Variants in DNMT1 observed in about 807,000 individuals in gnomAD.
The protein encoded by DNMT1 is DNA (cytosine-5)-methyltransferase 1.
Under a neutral mutation model 205.3 loss-of-function variants are expected in DNMT1, and 24 were observed. The ratio of observed to expected loss-of-function variants is 0.12; its 90% CI spans 0.08 to 0.16. The LOEUF is 0.16. DNMT1 is among the 10% of genes least tolerant of loss of function. DNMT1 has a pLI of 1.00. For missense variants in DNMT1, 1,293 were observed against 2,177.7 expected (o/e 0.59, Z 8.09); for synonymous variants, 817 against 839.8 (o/e 0.97, Z 0.47).
At position 10,137,068 on chromosome 19, in the gene DNMT1, C is replaced by A. The variant is rs1212852216; in HGVS notation, c.4489+17G>T. On this transcript the variant is annotated intron_variant, in intron 37 of 40. Transcript: ENST00000359526. This position sits in a 1 kb window ranked among gnomAD's most constrained non-coding sequence, Gnocchi z 6.4. ...CTTCCCCTCAGCCCACCGGGAACCA[C>A]AACTTACAGGACCCACCTTCCACGC... 1.2e-6 allele frequency: 2 copies of A among 1,610,220 alleles called. No individual in the cohort carries two copies. Among genetic ancestry groups the A allele is most frequent in the Admixed American group, 3.4e-5 (2 of 59,434 alleles).
At chr19:10,163,005 T>G in intron 12 of DNMT1, 1 of 555,656 alleles carries the variant, frequency 1.8e-6, no homozygotes, top group Non-Finnish European at 3.2e-6. Flanking sequence ...TTCACTCTTG[T>G]CCAGGCTGGA....
intron 1 of DNMT1, among the ~76,000 whole-genome samples, chr19:10,193,995 A>T (rs190156557): frequency 6.6e-6 from 1 of 152,272 alleles, no homozygotes; most frequent in Admixed American, 6.5e-5. Context: ...AGGGCCTCCA[A>T]CATTAGACAC....
In DNMT1 at chr19:10,180,646, TTCA is replaced by T. The variant is rs3217302; in HGVS notation, c.226-80_226-78del. The T allele has an allele frequency of 3.8e-3, 5,567 of 1,454,630 alleles. 21 individuals carry two copies. Among genetic ancestry groups the T allele is most frequent in the African/African-American group, 0.027 (1,851 of 69,570 alleles). 90.1% of individuals were successfully genotyped at this position (1,454,630 alleles called of 1,614,324 possible). ...AGAACAAGGAAACACATGTGTTTCC[TTCA>T]TCATCATCATCATCATCATCATCAT... On this transcript the variant is annotated intron_variant, in intron 3 of 40. Coordinates refer to ENST00000359526, the MANE Select transcript of DNMT1 (RefSeq NM_001130823.3).
intron 1 of DNMT1, among the ~76,000 whole-genome samples, chr19:10,189,749 A>G (rs2039264701): frequency 1.3e-5 from 2 of 152,040 alleles, no homozygotes; most frequent in Non-Finnish European, 2.9e-5. Flanking sequence ...ATACTAGGAA[A>G]CCAAAATGTG....
At chr19:10,149,229 G>A (rs2145292653) in intron 26 of DNMT1, among the ~76,000 whole-genome samples, 1 of 151,960 alleles carries the variant, frequency 6.6e-6, no homozygotes, top group East Asian at 1.9e-4. Flanking sequence ...GGAGGCTGAG[G>A]CAGGAGAATC....
intron 1 of DNMT1, among the ~76,000 whole-genome samples, chr19:10,190,591 G>A (rs762719354): frequency 6.6e-6 from 1 of 151,514 alleles, no homozygotes; most frequent in East Asian, 1.9e-4. Context: ...GGTAAACCCC[G>A]GTTTCTACTA....
In DNMT1 at chr19:10,139,784, G is replaced by T. The variant is rs1436599621; in HGVS notation, c.3840C>A (p.Leu1280=). The T allele has an allele frequency of 6.2e-7, 1 of 1,600,662 alleles. No individual in the cohort carries two copies. Residue 1280 remains leucine (L), a synonymous_variant, in exon 34 of 41, where the codon CTC becomes CTA. Transcript: ENST00000359526. ...YCDYYRPRFF[L]LENVRNFVSF... ...AGACAAAGTTCCTGACATTCTCCAG[G>T]AGGAAGAACCGGGGCCGGTAGTAGT...
chr19:10,143,450 C>T (rs576381333), intron 29 of DNMT1, among the ~76,000 whole-genome samples: 1 of 148,282 alleles, frequency 6.7e-6, no homozygotes, highest in Admixed American at 6.8e-5. Flanking sequence ...GTCTTGAACT[C>T]CTAGACTCAA....
In DNMT1 at chr19:10,194,942, C is replaced by T; in HGVS notation, c.-43G>A. On this transcript the variant is annotated 5_prime_UTR_variant, in exon 1 of 41. Coordinates refer to ENST00000359526, the MANE Select transcript of DNMT1 (RefSeq NM_001130823.3). ...ACGCGGCGGCGGCAGCGCAGGCGCCCCGGCTTTTCGCGCGGAAACCGATGG... is the reference window on the plus strand; with the variant it reads ...ACGCGGCGGCGGCAGCGCAGGCGCCTCGGCTTTTCGCGCGGAAACCGATGG... 6.3e-7 allele frequency: 1 copy of T among 1,575,686 alleles called. No homozygotes were observed. The highest frequency in any genetic ancestry group is 8.6e-7 in the Non-Finnish European group (1 of 1,162,178).
chr19:10,150,848 T>C (rs1014072455), intron 24 of DNMT1, among the ~76,000 whole-genome samples: 21 of 152,128 alleles, frequency 1.4e-4, no homozygotes, highest in African/African-American at 5.1e-4. Context: ...ATCCCAGCAC[T>C]TTGGGAGGCT....
chr19:10,171,662 G>A (rs1035777097), intron 9 of DNMT1, among the ~76,000 whole-genome samples: 10 of 152,042 alleles, frequency 6.6e-5, no homozygotes, highest in South Asian at 6.2e-4. Flanking sequence ...AAAATTAGCC[G>A]GGCATGGTGG....
chr19:10,160,328 A>G, intron 14 of DNMT1, 56 bp downstream of exon 14: 1 of 1,610,818 alleles, frequency 6.2e-7, no homozygotes, highest in South Asian at 1.1e-5. Context: ...TTTGTTCTAG[A>G]ACCATCATTT....
At position 10,140,454 on chromosome 19, in the gene DNMT1, C is replaced by A. The variant is rs866574736; in HGVS notation, c.3524-126G>T. 29 of 1,389,272 alleles carry A rather than the reference C, an allele frequency of 2.1e-5. No individual in the cohort carries two copies. The Middle Eastern group carries it at 7.4e-4, about 36-fold the overall frequency. The allele number at this position is 1,389,272 out of a possible 1,614,324, so 86.1% of individuals were successfully genotyped here. On this transcript the variant is annotated intron_variant, in intron 32 of 40. Coordinates refer to ENST00000359526, the MANE Select transcript of DNMT1 (RefSeq NM_001130823.3). This position sits in a 1 kb window ranked among gnomAD's most constrained non-coding sequence, Gnocchi z 8.4. Reference sequence around the variant, plus strand: ...GTGTGATCTTGGCTCACTGCAAGCTCTGCCTCCCAGGTTCAAGCGATTCTC... The same window carrying A: ...GTGTGATCTTGGCTCACTGCAAGCTATGCCTCCCAGGTTCAAGCGATTCTC...
In DNMT1 at chr19:10,140,197, T is replaced by C. The variant is rs780063940; in HGVS notation, c.3655A>G (p.Thr1219Ala). ...AGCCGCTGGCCGCGGGAGTTGGTGGTCTCCCCAGCCATGACCAGCTTCAGC... is the reference window on the plus strand; with the variant it reads ...AGCCGCTGGCCGCGGGAGTTGGTGGCCTCCCCAGCCATGACCAGCTTCAGC... Reference protein sequence around the residue: ...ILLKLVMAGETTNSRGQRLPQ... With the variant: ...ILLKLVMAGEATNSRGQRLPQ... The change falls in exon 33 of 41, where the codon ACC (threonine) becomes GCC (alanine). Residue 1219 changes from threonine (T) to alanine (A), a missense_variant. Thr to Ala is a moderately conservative substitution (Grantham distance 58). Transcript: ENST00000359526. This position sits in a 1 kb window ranked among gnomAD's most constrained non-coding sequence, Gnocchi z 8.4. The C allele has an allele frequency of 1.2e-6, 2 of 1,613,792 alleles. No homozygotes were observed. Among genetic ancestry groups the C allele is most frequent in the South Asian group, 1.1e-5 (1 of 91,086 alleles).
At chr19:10,136,450 T>G (rs538305272) in intron 37 of DNMT1, among the ~76,000 whole-genome samples, 163 bp from the exon 38 acceptor site, 48 of 152,280 alleles carry the variant, frequency 3.2e-4, no homozygotes, top group African/African-American at 1.1e-3. Flanking sequence ...GTTTTTATTA[T>G]TAGTATTATA....
chr19:10,154,624 C>A lies in DNMT1; in HGVS notation c.1794G>T (p.Arg598=). 1.2e-6 allele frequency: 2 copies of A among 1,614,082 alleles called. No individual in the cohort carries two copies. Among genetic ancestry groups the A allele is most frequent in the Non-Finnish European group, 8.5e-7 (1 of 1,179,988 alleles). ...TGACCCCAGCCAGCTTGATCAGGTC[C>A]CGCATGCAGGGTGTCAGGAAGATGG... ...EQPIFLTPCM[R]DLIKLAGVTL... The change falls in exon 21 of 41, where the codon CGG becomes CGT. Residue 598 remains arginine (R), a synonymous_variant. Transcript: ENST00000359526. This position sits in a 1 kb window ranked among gnomAD's most constrained non-coding sequence, Gnocchi z 6.3.
chr19:10,173,800 T>C, intron 8 of DNMT1, 71 bp downstream of exon 8: 1 of 1,577,506 alleles, frequency 6.3e-7, no homozygotes, highest in Non-Finnish European at 8.7e-7. Flanking sequence ...CCTTAAACTT[T>C]CTGAAAAAGT....
chr19:10,187,646 G>C (rs1050167781), intron 1 of DNMT1, among the ~76,000 whole-genome samples: 2 of 151,888 alleles, frequency 1.3e-5, no homozygotes, highest in Non-Finnish European at 2.9e-5. Context: ...GAGGCGGAAG[G>C]ATCACTAGAG....
intron 5 of DNMT1, 78 bp downstream of exon 5, chr19:10,180,109 T>C (rs1374563017): frequency 5.5e-6 from 3 of 544,902 alleles, no homozygotes; most frequent in Non-Finnish European, 9.9e-6. Flanking sequence ...AGGTCAGGAG[T>C]TCTGGACCAG....
Sources: allele counts gnomAD v4.1 joint callset (sites outside exome capture counted in the v4.1 genomes callset), GRCh38; gene constraint gnomAD v4.1.1; non-coding constraint Gnocchi (gnomAD v3.1); transcripts MANE v1.5; gene names NCBI Gene and HGNC (gene_info 2026-07-23, HGNC 2026-07-21).